The following CEP89 variants were observed in gnomAD, a reference collection of about 807,000 sequenced individuals.
CEP89 encodes the protein centrosomal protein of 89 kDa.
A neutral mutation model predicts 97.6 loss-of-function variants in CEP89; 95 were observed. That is an observed-to-expected ratio of 0.97 (90% CI 0.82 to 1.15). The LOEUF (loss-of-function observed/expected upper bound fraction) is 1.15, where lower values mean the gene tolerates loss of function less well. Among genes scored for constraint, CEP89 ranks in the 50% most tolerant of loss-of-function variants. CEP89 has a pLI of 0.00. For synonymous variants in CEP89, 354 were observed against 349.1 expected, an observed-to-expected ratio of 1.01 and a Z score of -0.16; for missense variants, 869 against 947.7, an observed-to-expected ratio of 0.92 and a Z score of 1.09.
At chr19:32,900,298 T>C (rs1969738169) in intron 15 of CEP89, among the ~76,000 whole-genome samples, 1 of 147,032 alleles carries the variant, frequency 6.8e-6, no homozygotes, top group Non-Finnish European at 1.5e-5. Flanking sequence ...CAGGCTGGAG[T>C]GCGGTGGCAT....
intron 8 of CEP89, among the ~76,000 whole-genome samples, chr19:32,932,500 G>A (rs539018820): frequency 2.6e-5 from 4 of 152,218 alleles, no homozygotes; most frequent in Non-Finnish European, 5.9e-5. Flanking sequence ...TACCAAGAGT[G>A]TAAGTCATAA....
At chr19:32,931,252 G>C (rs917817319) in intron 9 of CEP89, 177 bp downstream of exon 9, 1 of 572,052 alleles carries the variant, frequency 1.7e-6, no homozygotes, top group African/African-American at 2.0e-5. Flanking sequence ...CCTTTATTAC[G>C]GGGAAGAAGG....
At chr19:32,949,296 T>C (rs1970862597) in intron 4 of CEP89, among the ~76,000 whole-genome samples, 1 of 152,086 alleles carries the variant, frequency 6.6e-6, no homozygotes, top group African/African-American at 2.4e-5. Flanking sequence ...GACCTGCCGC[T>C]GATGAGGAGG....
At chr19:32,901,916 C>T (rs1157452601) in intron 14 of CEP89, among the ~76,000 whole-genome samples, 6 of 152,114 alleles carry the variant, frequency 3.9e-5, no homozygotes, top group Non-Finnish European at 8.8e-5. Flanking sequence ...TGAGCCACCA[C>T]ACCTGGCCAC....
rs552541249 is a variant in CEP89, at chr19:32,879,908, G to A, written c.2136-530C>T. Among the ~76,000 whole-genome samples the A allele has an allele frequency of 3.3e-5, 5 of 152,326 alleles. No individual in the cohort carries two copies. In the East Asian group the frequency reaches 9.6e-4, roughly 29 times the overall value. On this transcript the variant is annotated intron_variant, in intron 18 of 18. Transcript: ENST00000305768. The stretch of plus-strand genomic sequence containing the variant: ...CTCCATACAGCCCAGAGCTAAGAGC[G>A]AGTCAGGGGGTGAGGTGGGGGACCT...
intron 5 of CEP89, among the ~76,000 whole-genome samples, chr19:32,944,399 C>T (rs543275795): frequency 3.9e-5 from 6 of 151,956 alleles, no homozygotes; most frequent in African/African-American, 4.8e-5. Context: ...GAGGAGATGA[C>T]GGGTGGATGC....
At chr19:32,930,476 A>T (rs1970448380) in intron 9 of CEP89, among the ~76,000 whole-genome samples, 2 of 146,852 alleles carry the variant, frequency 1.4e-5, no homozygotes, top group East Asian at 2.0e-4. Context: ...AGCTGTTATT[A>T]AAAAAAAAAA....
chr19:32,940,270 C>A (rs1970661245), intron 5 of CEP89, among the ~76,000 whole-genome samples: 1 of 138,614 alleles, frequency 7.2e-6, no homozygotes, highest in South Asian at 2.7e-4. Context: ...CCATCACGCT[C>A]TATACATCTT....
At chr19:32,935,419 A>T (rs537197721) in intron 7 of CEP89, among the ~76,000 whole-genome samples, 2 of 152,178 alleles carry the variant, frequency 1.3e-5, no homozygotes, top group South Asian at 4.1e-4. Flanking sequence ...CTGGATGCGC[A>T]TGGTTACAAC....
Position 32,922,908 on chromosome 19 carries a change from G to A in CEP89, c.1268+531C>T, listed in dbSNP as rs374935921. Among the ~76,000 whole-genome samples the A allele has an allele frequency of 3.3e-5, 5 of 152,192 alleles. No homozygotes were observed. The South Asian group carries it at 6.2e-4, about 19-fold the overall frequency. On this transcript the variant is annotated intron_variant, in intron 12 of 18. Coordinates refer to ENST00000305768, the MANE Select transcript of CEP89 (RefSeq NM_032816.5). ...GCAATAATGGCCTCTCCTGAAGGCA[G>A]TGCTATAGACAAGTGCCATTACAGT...
chr19:32,946,259 G>A (rs911619043), intron 5 of CEP89, among the ~76,000 whole-genome samples: 1 of 152,048 alleles, frequency 6.6e-6, no homozygotes, highest in African/African-American at 2.4e-5. Context: ...GAGCCACCAT[G>A]CGCAGCTCCC....
intron 4 of CEP89, among the ~76,000 whole-genome samples, chr19:32,951,772 A>C (rs1462837245): frequency 6.6e-6 from 1 of 152,048 alleles, no homozygotes; most frequent in African/African-American, 2.4e-5. Context: ...TTCCTACTAC[A>C]CATGGCTCCT....
At chr19:32,913,142 ATAAT>A (rs1297423938) in intron 14 of CEP89, among the ~76,000 whole-genome samples, 14 of 148,340 alleles carry the variant, frequency 9.4e-5, no homozygotes, top group African/African-American at 2.7e-4. Flanking sequence ...AAAATATTAT[ATAAT>A]TATACATATA....
At chr19:32,902,010 C>CTCTGTGTGTGTGTGTGTGTGTGTGTG (rs1207481256) in intron 14 of CEP89, among the ~76,000 whole-genome samples, 6 of 133,730 alleles carry the variant, frequency 4.5e-5, no homozygotes, top group African/African-American at 8.7e-5. Flanking sequence ...CTCTCTCTCT[C>CTCTGTGTGTGTGTGTGTGTGTGTGTG]TGTGTGTGTG....
intron 11 of CEP89, among the ~76,000 whole-genome samples, chr19:32,924,134 T>C (rs1455959896): frequency 6.6e-6 from 1 of 151,732 alleles, no homozygotes; most frequent in Non-Finnish European, 1.5e-5. Flanking sequence ...GCTTCCCAAG[T>C]ACCTGTACTA....
intron 2 of CEP89, chr19:32,966,155 C>T (rs1971278527): frequency 2.5e-6 from 1 of 394,296 alleles, no homozygotes; most frequent in South Asian, 1.4e-4. Flanking sequence ...GTTCATGCAC[C>T]TGAAAAGGAG....
intron 13 of CEP89, among the ~76,000 whole-genome samples, chr19:32,917,339 T>C (rs1307711387): frequency 6.6e-6 from 1 of 152,184 alleles, no homozygotes; most frequent in Admixed American, 6.5e-5. Context: ...CCTGTGTGCA[T>C]CTCTGGGAGA....
intron 16 of CEP89, among the ~76,000 whole-genome samples, chr19:32,895,158 CA>C (rs1969613030): frequency 6.6e-6 from 1 of 152,086 alleles, no homozygotes; most frequent in African/African-American, 2.4e-5. Context: ...CAAAACCAGA[CA>C]AGGCCACAAT....
intron 2 of CEP89, among the ~76,000 whole-genome samples, chr19:32,964,971 T>G (rs1971250493): frequency 6.6e-6 from 1 of 152,142 alleles, no homozygotes; most frequent in African/African-American, 2.4e-5. Flanking sequence ...AGTGACATGA[T>G]CATAGCTCAC....
Sources: gnomAD v4.1 joint callset for allele counts (sites outside exome capture counted in the v4.1 genomes callset) on GRCh38, gnomAD v4.1.1 for gene constraint, MANE v1.5 for transcripts, NCBI Gene and HGNC (gene_info 2026-07-23, HGNC 2026-07-21) for gene names.